The following ALKBH8 variants were observed in gnomAD, a reference collection of about 807,000 sequenced individuals.
ALKBH8 encodes the protein tRNA (carboxymethyluridine(34)-5-O)-methyltransferase ALKBH8.
ALKBH8 carries 36 observed loss-of-function variants against 59.8 expected under a neutral mutation model. The ratio of observed to expected loss-of-function variants is 0.60; its 90% confidence interval spans 0.46 to 0.79. The LOEUF is 0.79. Among genes scored for constraint, ALKBH8 ranks in the 30% least tolerant of loss-of-function variants. ALKBH8 has a pLI of 0.00. For missense variants in ALKBH8, 768 were observed against 801.0 expected, an observed-to-expected ratio of 0.96 and a Z score of 0.50; for synonymous variants, 276 against 273.6, an observed-to-expected ratio of 1.01 and a Z score of -0.09.
At chr11:107,530,218 C>CTTTG (rs1863530112) in intron 8 of ALKBH8, among the ~76,000 whole-genome samples, 1 of 152,146 alleles carries the variant, frequency 6.6e-6, no homozygotes, top group Non-Finnish European at 1.5e-5. Context: ...CGTCTTCCAC[C>CTTTG]TTTGATTTAA....
At chr11:107,510,160 T>C (rs1223514000) in intron 11 of ALKBH8, among the ~76,000 whole-genome samples, 1 of 152,148 alleles carries the variant, frequency 6.6e-6, no homozygotes, top group African/African-American at 2.4e-5. Flanking sequence ...CTGATTTGTT[T>C]TGATTTGTTT....
intron 7 of ALKBH8, among the ~76,000 whole-genome samples, chr11:107,536,802 A>C (rs1375967559): frequency 6.6e-6 from 1 of 152,234 alleles, no homozygotes; most frequent in Non-Finnish European, 1.5e-5. Flanking sequence ...AGGCCTCGGC[A>C]GAGGTGCCTG....
At position 107,541,341 on chromosome 11, in the gene ALKBH8, T is replaced by C. The variant is rs536634374; in HGVS notation, c.771+8412A>G. The stretch of plus-strand genomic sequence containing the variant: ...ACAGAAAGCACCGAAATTGTCTCCA[T>C]AGTCAATTAAAAGTTACTAATAGGG... On this transcript the variant is annotated intron_variant, in intron 7 of 11. Coordinates refer to ENST00000428149, the MANE Select transcript of ALKBH8 (RefSeq NM_138775.3). Among the ~76,000 whole-genome samples, 4 of 152,320 alleles carry C rather than the reference T, an allele frequency of 2.6e-5. No homozygotes were observed. In the South Asian group the frequency reaches 6.2e-4, roughly 24 times the overall value.
chr11:107,510,405 A>G (rs986677333), intron 11 of ALKBH8, among the ~76,000 whole-genome samples: 2 of 152,196 alleles, frequency 1.3e-5, no homozygotes, highest in African/African-American at 2.4e-5. Context: ...GTTTTGAAAA[A>G]AAAGAACAGG....
chr11:107,553,887 C>T lies in ALKBH8; in HGVS notation c.459G>A (p.Leu153=), dbSNP rs139203483. Residue 153 remains leucine, a synonymous_variant, in exon 4 of 12, where the codon TTG becomes TTA. Coordinates refer to ENST00000428149, the MANE Select transcript of ALKBH8 (RefSeq NM_138775.3). The part of the protein sequence containing the change: ...IISSEEEKML[L]ESVDWTEDTD... ...TATCTTCTGTCCAATCAACACTTTCCAAAAGCATTTTCTCCTCCTCAGAAG... is the reference window on the plus strand; with the variant it reads ...TATCTTCTGTCCAATCAACACTTTCTAAAAGCATTTTCTCCTCCTCAGAAG... 1,076 of 1,613,746 alleles carry T rather than the reference C, an allele frequency of 6.7e-4. 3 individuals carry two copies. Among genetic ancestry groups the T allele is most frequent in the Admixed American group, 3.5e-3 (211 of 60,002 alleles).
chr11:107,534,731 T>C (rs1863736920), intron 7 of ALKBH8, among the ~76,000 whole-genome samples: 1 of 151,336 alleles, frequency 6.6e-6, no homozygotes. Flanking sequence ...TTTTTCTTTT[T>C]CTGTATCAAA....
At chr11:107,513,463 A>G (rs541796941) in intron 10 of ALKBH8, among the ~76,000 whole-genome samples, 26 of 152,206 alleles carry the variant, frequency 1.7e-4, no homozygotes, top group Non-Finnish European at 3.4e-4. Context: ...GGGTTCACCC[A>G]CTGTGGAAAG....
rs1361389438 is a variant in ALKBH8 at position 107,503,776 on chromosome 11, A to C, written c.*882T>G. On this transcript the variant is annotated 3_prime_UTR_variant, in exon 12 of 12. Transcript: ENST00000428149. ...GTCATTTAAACAAAGGAGTTAAAGG[A>C]GCACATTTGGGTTGTTTTTAGCACC... is the stretch of plus-strand genomic sequence containing the variant. 1.3e-5 allele frequency: 2 copies of C among 152,242 alleles called. No individual in the cohort carries two copies. The highest frequency in any genetic ancestry group is 2.9e-5 in the Non-Finnish European group (2 of 68,038). The allele number at this position is 152,242 out of a possible 1,614,324, so 9.4% of individuals were successfully genotyped here.
intron 2 of ALKBH8, among the ~76,000 whole-genome samples, chr11:107,557,552 T>C (rs1460679281): frequency 2.0e-5 from 3 of 152,178 alleles, no homozygotes; most frequent in South Asian, 4.1e-4. Flanking sequence ...ACTTTTAATA[T>C]AACCATTATA....
At chr11:107,531,565 G>A (rs1282855072) in intron 8 of ALKBH8, among the ~76,000 whole-genome samples, 9 of 152,166 alleles carry the variant, frequency 5.9e-5, no homozygotes, top group Admixed American at 1.3e-4. Flanking sequence ...CTGAATCCTC[G>A]ATCAGAAAGA....
At chr11:107,531,119 A>C (rs1863576857) in intron 8 of ALKBH8, among the ~76,000 whole-genome samples, 1 of 152,102 alleles carries the variant, frequency 6.6e-6, no homozygotes, top group South Asian at 2.1e-4. Context: ...CCATGAAAAA[A>C]AAATCACATA....
intron 10 of ALKBH8, among the ~76,000 whole-genome samples, chr11:107,521,425 A>G (rs1312817185): frequency 6.6e-6 from 1 of 152,118 alleles, no homozygotes; most frequent in East Asian, 1.9e-4. Flanking sequence ...TTCTTCATGT[A>G]GGTGCACAAT....
intron 10 of ALKBH8, among the ~76,000 whole-genome samples, chr11:107,520,819 T>C (rs1189032848): frequency 6.6e-6 from 1 of 152,180 alleles, no homozygotes; most frequent in African/African-American, 2.4e-5. Context: ...TTTCCTAAGC[T>C]GTAATACAAC....
chr11:107,536,686 G>A (rs143766316), intron 7 of ALKBH8, among the ~76,000 whole-genome samples: 6 of 152,214 alleles, frequency 3.9e-5, no homozygotes, highest in East Asian at 1.9e-4. Context: ...TAAACTCAGC[G>A]GTAAGGGGAA....
chr11:107,513,659 G>A (rs1862733221), intron 10 of ALKBH8, among the ~76,000 whole-genome samples: 1 of 152,164 alleles, frequency 6.6e-6, no homozygotes, highest in African/African-American at 2.4e-5. Context: ...ATCAAGAGTA[G>A]ACTGGGTAAA....
chr11:107,533,377 A>G (rs1187482231), intron 7 of ALKBH8, among the ~76,000 whole-genome samples: 1 of 152,178 alleles, frequency 6.6e-6, no homozygotes, highest in Non-Finnish European at 1.5e-5. Context: ...GCATTCAATA[A>G]ATGGTAGCTA....
rs186800991 is a variant in ALKBH8 at position 107,549,199 on chromosome 11, A to G, written c.771+554T>C. Among the ~76,000 whole-genome samples the G allele has an allele frequency of 3.1e-3, 478 of 152,280 alleles. 4 individuals carry two copies. Among genetic ancestry groups the G allele is most frequent in the African/African-American group, 0.011 (466 of 41,542 alleles). On this transcript the variant is annotated intron_variant, in intron 7 of 11. Coordinates refer to ENST00000428149, the MANE Select transcript of ALKBH8 (RefSeq NM_138775.3). ...AATCTGCTTGTAGGTTGCGTGGATC[A>G]CTTCACATGTAATATTTTCTTTTAG...
chr11:107,526,177 G>C (rs762213479), intron 8 of ALKBH8, among the ~76,000 whole-genome samples: 1 of 151,890 alleles, frequency 6.6e-6, no homozygotes, highest in Non-Finnish European at 1.5e-5. Flanking sequence ...TGGGTCATAA[G>C]GTAAGAAACT....
intron 7 of ALKBH8, among the ~76,000 whole-genome samples, chr11:107,534,274 T>C (rs1863719073): frequency 6.6e-6 from 1 of 152,176 alleles, no homozygotes; most frequent in African/African-American, 2.4e-5. Context: ...GAAAGAATAA[T>C]GAGCATATTT....
Sources: allele counts gnomAD v4.1 joint callset (sites outside exome capture counted in the v4.1 genomes callset), GRCh38; gene constraint gnomAD v4.1.1; transcripts MANE v1.5; gene names NCBI Gene and HGNC (gene_info 2026-07-23, HGNC 2026-07-21).